Variants in KCNAB2 observed in about 807,000 individuals in gnomAD.
KCNAB2 encodes the protein voltage-gated potassium channel subunit beta-2.
Under a neutral mutation model 63.6 loss-of-function variants are expected in KCNAB2, and 29 were observed. That is an observed-to-expected ratio of 0.46 (90% CI 0.34 to 0.62). The LOEUF (loss-of-function observed/expected upper bound fraction) is 0.62, where lower values mean the gene tolerates loss of function less well. Among genes scored for constraint, KCNAB2 ranks in the 20% least tolerant of loss-of-function variants. The pLI, the probability that KCNAB2 is intolerant of heterozygous loss-of-function variation, is 0.01. For missense variants in KCNAB2, 359 were observed against 563.9 expected, an observed-to-expected ratio of 0.64 and a Z score of 3.68; for synonymous variants, 222 against 224.2, an observed-to-expected ratio of 0.99 and a Z score of 0.09.
intron 4 of KCNAB2, among the ~76,000 whole-genome samples, chr1:6,081,177 AT>A (rs1250434796): frequency 6.6e-6 from 1 of 152,202 alleles, no homozygotes; most frequent in Non-Finnish European, 1.5e-5. Context: ...TGCACAGCGC[AT>A]TTAGCTCGGG....
Position 6,099,051 on chromosome 1 carries a change from G to C in KCNAB2, c.*477G>C, listed in dbSNP as rs1665866001. 6.5e-6 allele frequency: 1 copy of C among 153,852 alleles called. No homozygotes were observed. The highest frequency in any genetic ancestry group is 1.4e-5 in the Non-Finnish European group (1 of 69,226). 9.5% of individuals were successfully genotyped at this position (153,852 alleles called of 1,614,324 possible). A position where few individuals can be genotyped will look rare whatever the true frequency, so the allele number is the denominator to read the frequency against. On this transcript the variant is annotated 3_prime_UTR_variant, in exon 16 of 16. Transcript: ENST00000378083. ...TCTGGCCCATCGAGGGGCCCCTTCT[G>C]CCAGGGCCTTGGTTGCTGGGGCAGG... is the stretch of plus-strand genomic sequence containing the variant.
At chr1:6,091,818 G>A (rs369179522) in intron 10 of KCNAB2, among the ~76,000 whole-genome samples, 94 of 152,292 alleles carry the variant, frequency 6.2e-4, no homozygotes, top group Non-Finnish European at 1.0e-3. Flanking sequence ...TCCACAGCAC[G>A]CTGCTCCTCG....
chr1:6,002,454 G>A (rs981138351), intron 1 of KCNAB2, among the ~76,000 whole-genome samples: 4 of 152,244 alleles, frequency 2.6e-5, no homozygotes, highest in African/African-American at 7.2e-5. Context: ...TGCCTGCCAC[G>A]GCAGCTGTGG....
intron 1 of KCNAB2, among the ~76,000 whole-genome samples, chr1:6,013,194 G>A (rs181205268): frequency 6.6e-6 from 1 of 152,134 alleles, no homozygotes; most frequent in African/African-American, 2.4e-5. Context: ...CACCAATGAG[G>A]TGTCAGTTCC....
At chr1:6,065,962 A>G (rs1233595291) in intron 2 of KCNAB2, among the ~76,000 whole-genome samples, 2 of 152,204 alleles carry the variant, frequency 1.3e-5, no homozygotes. Context: ...GCTTCTGGAT[A>G]AAGTCTCGTC....
In KCNAB2 at chr1:5,995,987, G is replaced by A. The variant is rs569639415; in HGVS notation, c.-53+3199G>A. On this transcript the variant is annotated intron_variant, in intron 1 of 16. Transcript: ENST00000341524. ...CCCAGGCCCAGACCCTGGGGGATAT[G>A]GAAGCACTCCTTTGTCGTGGCGTGG... 5.9e-5 allele frequency: 9 copies of A among 152,392 alleles called. No homozygotes were observed. In the East Asian group the frequency reaches 1.5e-3, roughly 26 times the overall value. 9.4% of individuals were successfully genotyped at this position (152,392 alleles called of 1,614,324 possible).
chr1:6,084,640 A>T (rs1021490774), intron 5 of KCNAB2, among the ~76,000 whole-genome samples: 2 of 151,948 alleles, frequency 1.3e-5, no homozygotes, highest in East Asian at 3.9e-4. Context: ...ACATAGTGAA[A>T]CCCCGTCTCT....
chr1:6,082,952 G>A (rs1485505934), intron 5 of KCNAB2, among the ~76,000 whole-genome samples: 2 of 152,164 alleles, frequency 1.3e-5, no homozygotes, highest in African/African-American at 2.4e-5. Flanking sequence ...TGCTTGGCCC[G>A]CAGCTGCTTC....
rs992150383 is a variant in KCNAB2 at position 6,085,935 on chromosome 1, G to A, written c.425+687G>A. The A allele has an allele frequency of 3.8e-5, 37 of 985,312 alleles. No individual in the cohort carries two copies. The South Asian group carries it at 5.2e-4, about 14-fold the overall frequency. The allele number at this position is 985,312 out of a possible 1,614,324, so 61.0% of individuals were successfully genotyped here. A position where few individuals can be genotyped will look rare whatever the true frequency, so the allele number is the denominator to read the frequency against. On this transcript the variant is annotated intron_variant, in intron 6 of 15. Coordinates refer to ENST00000378083, the MANE Select transcript of KCNAB2 (RefSeq NM_001199862.2). ...CAGCACAGACCGGGGAGCGGTCCCC[G>A]GGTGTGATGGAGCCCAAAGGTCGCA...
Position 6,071,670 on chromosome 1 carries a change from C to T in KCNAB2, c.219-1085C>T, listed in dbSNP as rs1239808710. On this transcript the variant is annotated intron_variant, in intron 2 of 15. Coordinates refer to ENST00000378083, the MANE Select transcript of KCNAB2 (RefSeq NM_001199862.2). This position sits in a 1 kb window ranked among gnomAD's most constrained non-coding sequence, Gnocchi z 8.5. ...ACCTGCCGCTTAGGACTCCTGCCAC[C>T]GCGTAGGGCTCTGCTGCGTAGGACT... Among the ~76,000 whole-genome samples the T allele has an allele frequency of 6.6e-6, 1 of 152,054 alleles. No individual in the cohort carries two copies. The highest frequency in any genetic ancestry group is 1.5e-5 in the Non-Finnish European group (1 of 67,972).
At chr1:6,049,954 G>T (rs996473087) in intron 1 of KCNAB2, among the ~76,000 whole-genome samples, 2 of 152,200 alleles carry the variant, frequency 1.3e-5, no homozygotes, top group Non-Finnish European at 2.9e-5. Flanking sequence ...AGGTCAGCAG[G>T]CTGGTCACCC....
In KCNAB2 at chr1:6,087,599, T is replaced by A; in HGVS notation, c.470+88T>A. 1 of 1,422,892 alleles carries A rather than the reference T, an allele frequency of 7.0e-7. No individual in the cohort carries two copies. Among genetic ancestry groups the A allele is most frequent in the East Asian group, 2.3e-5 (1 of 43,582 alleles). The allele number at this position is 1,422,892 out of a possible 1,614,324, so 88.1% of individuals were successfully genotyped here. On this transcript the variant is annotated intron_variant, in intron 7 of 15. Coordinates refer to ENST00000378083, the MANE Select transcript of KCNAB2 (RefSeq NM_001199862.2). The surrounding 1 kb of genome is among the most constrained non-coding windows in gnomAD (Gnocchi z 6.4). ...AGAGACCCCTGACCTAGAAGGCTCC[T>A]GGGGTGGCGGGAGGACAGTCCTCCT...
intron 6 of KCNAB2, 46 bp downstream of exon 6, chr1:6,085,294 C>T (rs757329311): frequency 1.1e-5 from 17 of 1,562,952 alleles, no homozygotes; most frequent in South Asian, 5.6e-5. Flanking sequence ...TGGGTGCGGG[C>T]GAACTATCCC....
rs767987133 is a variant in KCNAB2 at position 6,072,806 on chromosome 1, T to G, written c.262+8T>G. 5 of 1,613,466 alleles carry G rather than the reference T, an allele frequency of 3.1e-6. No homozygotes were observed. The South Asian group carries it at 5.5e-5, about 18-fold the overall frequency. ...TCTCCTGCCTGGGACTTGGTGAGTG[T>G]GGGGGTCCCCTCCGTCCCACCAGGG... On this transcript the variant is annotated splice_region_variant and intron_variant, in intron 3 of 15. Transcript: ENST00000378083.
chr1:6,008,856 C>T lies in KCNAB2; in HGVS notation c.-53+16068C>T, dbSNP rs914280148. 1.3e-5 allele frequency among the ~76,000 whole-genome samples: 2 copies of T among 152,304 alleles called. 1 individual carries two copies. The highest frequency in any genetic ancestry group is 4.1e-4 in the South Asian group (2 of 4,830). Reference sequence around the variant, plus strand: ...CTGGGGGACTTGTTTCCGTGGGAACCTCAGGCCTTGGGCCTGAGTGAGGAG... The same window carrying T: ...CTGGGGGACTTGTTTCCGTGGGAACTTCAGGCCTTGGGCCTGAGTGAGGAG... On this transcript the variant is annotated intron_variant, in intron 1 of 16. Transcript: ENST00000341524.
intron 1 of KCNAB2, among the ~76,000 whole-genome samples, chr1:5,993,355 A>G (rs1050620193): frequency 8.0e-6 from 1 of 124,526 alleles, no homozygotes; most frequent in Non-Finnish European, 1.7e-5. Context: ...CGCTCTCACC[A>G]CCTTACCCTG....
chr1:6,014,517 G>A (rs1450260597), intron 1 of KCNAB2, among the ~76,000 whole-genome samples: 1 of 152,228 alleles, frequency 6.6e-6, no homozygotes, highest in African/African-American at 2.4e-5. Context: ...AAATAAATGA[G>A]GCAAAAGAGT....
chr1:6,028,184 C>T lies in KCNAB2; in HGVS notation c.-52-12333C>T, dbSNP rs1273602701. 2.0e-5 allele frequency among the ~76,000 whole-genome samples: 3 copies of T among 152,212 alleles called. No individual in the cohort carries two copies. Among genetic ancestry groups the T allele is most frequent in the Non-Finnish European group, 4.4e-5 (3 of 68,046 alleles). Reference sequence around the variant, plus strand: ...TTGACCCTCTGCCATCAGATCCCACCCAGGGAAGGAATGGGCTCCTGTGTG... The same window carrying T: ...TTGACCCTCTGCCATCAGATCCCACTCAGGGAAGGAATGGGCTCCTGTGTG... On this transcript the variant is annotated intron_variant, in intron 1 of 16. Coordinates refer to the KCNAB2 transcript ENST00000341524. This position sits in a 1 kb window ranked among gnomAD's most constrained non-coding sequence, Gnocchi z 4.0.
rs1205051688 is a variant in KCNAB2 at position 6,087,388 on chromosome 1, AGAT to A, written c.426-76_426-74del. The A allele has an allele frequency of 1.3e-5, 19 of 1,473,366 alleles. No individual in the cohort carries two copies. Among genetic ancestry groups the A allele is most frequent in the Non-Finnish European group, 1.7e-5 (18 of 1,052,374 alleles). 91.3% of individuals were successfully genotyped at this position (1,473,366 alleles called of 1,614,324 possible). On this transcript the variant is annotated intron_variant, in intron 6 of 15. Coordinates refer to ENST00000378083, the MANE Select transcript of KCNAB2 (RefSeq NM_001199862.2). The surrounding 1 kb of genome is among the most constrained non-coding windows in gnomAD (Gnocchi z 6.4). The stretch of plus-strand genomic sequence containing the variant: ...AGGGCTTTCAGGACCTCTGTGTGAG[AGAT>A]GAGGACGTCGGGGATGAAGGAGGAC...
Sources: gnomAD v4.1 joint callset for allele counts (sites outside exome capture counted in the v4.1 genomes callset) on GRCh38, gnomAD v4.1.1 for gene constraint, Gnocchi (gnomAD v3.1) non-coding constraint, MANE v1.5 for transcripts, NCBI Gene and HGNC (gene_info 2026-07-23, HGNC 2026-07-21) for gene names.